The following UBE3A variants were observed in gnomAD, a reference collection of about 807,000 sequenced individuals.
UBE3A encodes the protein ubiquitin protein ligase E3A.
A neutral mutation model predicts 83.4 loss-of-function variants in UBE3A; 6 were observed. The observed-to-expected ratio is 0.07, with a 90% confidence interval of 0.04 to 0.14. The LOEUF (loss-of-function observed/expected upper bound fraction) is 0.14, where lower values mean the gene tolerates loss of function less well. Among genes scored for constraint, UBE3A ranks in the 10% least tolerant of loss-of-function variants. The probability of loss-of-function intolerance (pLI) is 1.00; values close to 1 mark genes in which losing one functional copy is unlikely to be tolerated. For synonymous variants in UBE3A, 337 were observed against 355.4 expected (o/e 0.95, Z 0.58); for missense variants, 456 against 1,036.1 (o/e 0.44, Z 7.69).
intron 1 of UBE3A, among the ~76,000 whole-genome samples, chr15:25,432,776 T>C (rs1223129577): frequency 6.6e-6 from 1 of 152,228 alleles, no homozygotes; most frequent in Non-Finnish European, 1.5e-5. Context: ...TTTATCCTAC[T>C]TGTATGAGTG....
chr15:25,421,262 C>A (rs1889697761), intron 1 of UBE3A, among the ~76,000 whole-genome samples: 1 of 152,316 alleles, frequency 6.6e-6, no homozygotes, highest in South Asian at 2.1e-4. Flanking sequence ...CCCCCTTTGC[C>A]TTCCACCATG....
chr15:25,401,927 T>C (rs2087223386), intron 4 of UBE3A, among the ~76,000 whole-genome samples: 1 of 152,232 alleles, frequency 6.6e-6, no homozygotes, highest in African/African-American at 2.4e-5. Context: ...ATTTCTCATT[T>C]TGATTGCTGT....
At position 25,370,927 on chromosome 15, in the gene UBE3A, TTTC is replaced by T; in HGVS notation, c.1244_1246del (p.Arg415del). On this transcript the variant is annotated inframe_deletion, in exon 6 of 13. Transcript: ENST00000648336. The surrounding 1 kb of genome is among the most constrained non-coding windows in gnomAD (Gnocchi z 4.2). ...GGGGTCCACTCGAGGACCTTTCTTG[TTTC>T]TTCTTTCTTCTCCCAAAAGTTCCTG... is the stretch of plus-strand genomic sequence containing the variant. 6.2e-7 allele frequency: 1 copy of T among 1,614,116 alleles called. No homozygotes were observed. Among genetic ancestry groups the T allele is most frequent in the Non-Finnish European group, 8.5e-7 (1 of 1,180,006 alleles).
intron 1 of UBE3A, among the ~76,000 whole-genome samples, chr15:25,412,209 A>G (rs1348427726): frequency 6.6e-6 from 1 of 152,208 alleles, no homozygotes; most frequent in Non-Finnish European, 1.5e-5. Flanking sequence ...TTCATCCATA[A>G]AGCTTAGTGC....
At chr15:25,376,352 G>A (rs1311452133) in intron 4 of UBE3A, among the ~76,000 whole-genome samples, 2 of 152,174 alleles carry the variant, frequency 1.3e-5, no homozygotes, top group East Asian at 3.9e-4. Context: ...CTGAAAGAAA[G>A]CGGCTGCAGC....
intron 6 of UBE3A, among the ~76,000 whole-genome samples, chr15:25,365,695 C>T (rs1194516476): frequency 6.7e-6 from 1 of 148,772 alleles, no homozygotes; most frequent in Non-Finnish European, 1.5e-5. Context: ...TTGCAGTGAG[C>T]CAAGATTGCG....
chr15:25,404,004 A>C (rs955318978), intron 4 of UBE3A, among the ~76,000 whole-genome samples: 22 of 152,118 alleles, frequency 1.4e-4, no homozygotes, highest in African/African-American at 5.1e-4. Context: ...CAAAACAGAG[A>C]GTTCTGATCG....
chr15:25,343,791 C>T (rs904932427), intron 11 of UBE3A, among the ~76,000 whole-genome samples: 5 of 152,022 alleles, frequency 3.3e-5, no homozygotes, highest in Admixed American at 1.3e-4. Flanking sequence ...GTGAAGAAAA[C>T]GACCAGCTGA....
At chr15:25,405,787 T>C (rs1165848943) in intron 3 of UBE3A, among the ~76,000 whole-genome samples, 1 of 152,212 alleles carries the variant, frequency 6.6e-6, no homozygotes, top group Non-Finnish European at 1.5e-5. Flanking sequence ...GCCATAATTA[T>C]TCACAAAGTC....
At chr15:25,404,640 C>CGG (rs1264039710) in intron 4 of UBE3A, among the ~76,000 whole-genome samples, 1 of 150,104 alleles carries the variant, frequency 6.7e-6, no homozygotes, top group African/African-American at 2.5e-5. Flanking sequence ...CTCTTCAATC[C>CGG]TTTCTCTCTT....
chr15:25,383,498 A>G (rs8042126), intron 4 of UBE3A, among the ~76,000 whole-genome samples: 27,559 of 151,848 alleles, frequency 0.18, 3,175 homozygotes, highest in African/African-American at 0.33. Context: ...CTAATCGGGC[A>G]TGGTGGTGGG....
At chr15:25,412,573 T>TA (rs555912063) in intron 1 of UBE3A, among the ~76,000 whole-genome samples, 5 of 151,456 alleles carry the variant, frequency 3.3e-5, no homozygotes, top group South Asian at 2.1e-4. Flanking sequence ...ACTTAACTCT[T>TA]AAAAAAAAAT....
intron 6 of UBE3A, among the ~76,000 whole-genome samples, chr15:25,365,746 T>TA (rs36057934): frequency 0.26 from 27,966 of 109,194 alleles, 3,347 homozygotes; most frequent in East Asian, 0.45. Flanking sequence ...AGACTCCGTC[T>TA]AAAAAAAAAA....
At chr15:25,354,127 CAGG>C (rs1207088825) in intron 11 of UBE3A, 6 of 583,672 alleles carry the variant, frequency 1.0e-5, no homozygotes, top group Admixed American at 5.9e-5. Flanking sequence ...ACGCCAAATG[CAGG>C]AGATTACATG....
intron 1 of UBE3A, among the ~76,000 whole-genome samples, chr15:25,432,638 C>T (rs887388652): frequency 4.6e-5 from 7 of 152,166 alleles, no homozygotes; most frequent in African/African-American, 1.7e-4. Context: ...TGTTTGGTTT[C>T]TATAACTAAA....
At chr15:25,416,663 C>T (rs1596363524) in intron 1 of UBE3A, among the ~76,000 whole-genome samples, 1 of 150,090 alleles carries the variant, frequency 6.7e-6, no homozygotes, top group South Asian at 2.1e-4. Context: ...AAAAAAACCT[C>T]ATATGGTATT....
chr15:25,428,077 G>A (rs552344764), intron 1 of UBE3A, among the ~76,000 whole-genome samples: 3 of 152,218 alleles, frequency 2.0e-5, no homozygotes, highest in South Asian at 2.1e-4. Flanking sequence ...ACTAGCAGCC[G>A]AAGTGGGGAG....
chr15:25,360,632 A>T, intron 6 of UBE3A, 105 bp from the exon 7 acceptor site: 1 of 1,370,906 alleles, frequency 7.3e-7, no homozygotes, highest in Non-Finnish European at 1.0e-6. Flanking sequence ...CAAATTTTTG[A>T]CTTTTTGTAT....
Position 25,370,274 on chromosome 15 carries a change from C to T in UBE3A, c.1608+292G>A, listed in dbSNP as rs1034437843. ...TTCTCTTGTTCTGGTCTTTGTCCAA[C>T]ACTCTATTCTCTTCTGAATGAAAGA... On this transcript the variant is annotated intron_variant, in intron 6 of 12. Transcript: ENST00000648336. The surrounding 1 kb of genome is among the most constrained non-coding windows in gnomAD (Gnocchi z 4.2). 6.6e-6 allele frequency among the ~76,000 whole-genome samples: 1 copy of T among 152,190 alleles called. No individual in the cohort carries two copies. The highest frequency in any genetic ancestry group is 1.5e-5 in the Non-Finnish European group (1 of 68,032).
Sources: gnomAD v4.1 joint callset for allele counts (sites outside exome capture counted in the v4.1 genomes callset) on GRCh38, gnomAD v4.1.1 for gene constraint, Gnocchi (gnomAD v3.1) non-coding constraint, MANE v1.5 for transcripts, NCBI Gene and HGNC (gene_info 2026-07-23, HGNC 2026-07-21) for gene names.